The following GSR variants were observed in gnomAD, a reference collection of about 807,000 sequenced individuals.
GSR encodes the protein glutathione reductase, mitochondrial.
Under a neutral mutation model 56.5 loss-of-function variants are expected in GSR, and 48 were observed. The observed-to-expected ratio is 0.85, with a 90% CI of 0.67 to 1.08. GSR has a LOEUF of 1.08. Ranked by LOEUF, GSR falls within the 50% of genes least tolerant of loss-of-function variation. The pLI is 0.00. For synonymous variants in GSR, 264 were observed against 270.8 expected, an observed-to-expected ratio of 0.97 and a Z score of 0.25; for missense variants, 694 against 703.3, an observed-to-expected ratio of 0.99 and a Z score of 0.15.
At chr8:30,700,591 GCA>G in intron 5 of GSR, among the ~76,000 whole-genome samples, 2 of 151,814 alleles carry the variant, frequency 1.3e-5, no homozygotes, top group Admixed American at 6.6e-5. Flanking sequence ...GGGCATGGTG[GCA>G]CGCACCTATA....
intron 1 of GSR, among the ~76,000 whole-genome samples, chr8:30,720,244 TC>T (rs1043435745): frequency 2.0e-5 from 3 of 152,012 alleles, no homozygotes; most frequent in Non-Finnish European, 4.4e-5. Flanking sequence ...TTCCTCTGGT[TC>T]CCCACAACCT....
Position 30,686,841 on chromosome 8 carries a change from G to GT in GSR, c.1041+2319dup, listed in dbSNP as rs1210213575. 9.8e-3 allele frequency among the ~76,000 whole-genome samples: 1,415 copies of GT among 144,100 alleles called. 12 individuals are homozygous for GT. Among genetic ancestry groups the GT allele is most frequent in the African/African-American group, 0.026 (1,042 of 39,534 alleles). 94.5% of individuals were successfully genotyped at this position (144,100 alleles called of 152,430 possible). A position where few individuals can be genotyped will look rare whatever the true frequency, so the allele number is the denominator to read the frequency against. ...TGTTTTCTTTTGGTGTTTTTTTTTG[G>GT]TTTTTTTTTTTTGAGACGGAGTTTT... is the stretch of plus-strand genomic sequence containing the variant. On this transcript the variant is annotated intron_variant, in intron 9 of 12. Transcript: ENST00000221130.
At position 30,684,205 on chromosome 8, in the gene GSR, A is replaced by G. The variant is rs1231750991; in HGVS notation, c.1042-6T>C. On this transcript the variant is annotated splice_polypyrimidine_tract_variant and splice_region_variant and intron_variant, in intron 9 of 12. Transcript: ENST00000221130. The stretch of plus-strand genomic sequence containing the variant: ...TTGTCATCGGTTTGAATCCCCTAAA[A>G]TTACAAAGAGATATCATGTAACCAC... 1 of 1,521,804 alleles carries G rather than the reference A, an allele frequency of 6.6e-7. No homozygotes were observed. Among genetic ancestry groups the G allele is most frequent in the Admixed American group, 1.7e-5 (1 of 59,930 alleles). The allele number at this position is 1,521,804 out of a possible 1,614,324, so 94.3% of individuals were successfully genotyped here.
At chr8:30,718,285 A>T (rs1012223796) in intron 1 of GSR, among the ~76,000 whole-genome samples, 2 of 152,188 alleles carry the variant, frequency 1.3e-5, no homozygotes, top group African/African-American at 2.4e-5. Flanking sequence ...AGGTTGTTAG[A>T]GGGAGCACAG....
chr8:30,704,282 G>A (rs968405531), intron 4 of GSR, among the ~76,000 whole-genome samples: 13 of 151,808 alleles, frequency 8.6e-5, no homozygotes, highest in Non-Finnish European at 1.5e-4. Flanking sequence ...CCGAGATTAC[G>A]CCACTGCACT....
chr8:30,685,734 G>A (rs116190104), intron 9 of GSR, among the ~76,000 whole-genome samples: 1,595 of 152,068 alleles, frequency 0.01, 21 homozygotes, highest in African/African-American at 0.033. Context: ...CTAGCACTTC[G>A]GGAGGCCAAG....
Position 30,727,794 on chromosome 8 carries a change from C to T in GSR, c.42G>A (p.Pro14=). Residue 14 remains proline, a synonymous_variant, in exon 1 of 13, where the codon CCG becomes CCA. Transcript: ENST00000221130. The stretch of plus-strand genomic sequence containing the variant: ...AGGCGCGCGCCGCCCGCCGCCAGCT[C>T]GGTCCCGCGCCGGCGCTCAGGGCTC... The part of the protein sequence containing the change: ...LPRALSAGAG[P]SWRRAARAFR... 1.5e-6 allele frequency: 2 copies of T among 1,321,096 alleles called. No homozygotes were observed. The highest frequency in any genetic ancestry group is 2.0e-5 in the South Asian group (1 of 50,224). The allele number at this position is 1,321,096 out of a possible 1,614,324, so 81.8% of individuals were successfully genotyped here.
Position 30,678,069 on chromosome 8 carries a change from GAAGAA to G in GSR, c.*1446_*1450del, listed in dbSNP as rs1802804735. The G allele has an allele frequency of 2.0e-5, 3 of 151,858 alleles. No individual in the cohort carries two copies. Among genetic ancestry groups the G allele is most frequent in the Admixed American group, 6.6e-5 (1 of 15,248 alleles). 9.4% of individuals were successfully genotyped at this position (151,858 alleles called of 1,614,324 possible). ...AAGCTCACAGTAACAAATTTTATAAGAAGAAAAGGCTGTAATTTTATTTTCAAATT... is the reference window on the plus strand; with the variant it reads ...AAGCTCACAGTAACAAATTTTATAAGAAGGCTGTAATTTTATTTTCAAATT... On this transcript the variant is annotated 3_prime_UTR_variant, in exon 13 of 13. Coordinates refer to ENST00000221130, the MANE Select transcript of GSR (RefSeq NM_000637.5).
At chr8:30,710,221 CAGG>C (rs1358648543) in intron 2 of GSR, among the ~76,000 whole-genome samples, 22 of 151,832 alleles carry the variant, frequency 1.4e-4, no homozygotes. Flanking sequence ...GAAGCTGAGG[CAGG>C]AGAATTGCTT....
chr8:30,727,754 G>A lies in GSR; in HGVS notation c.82C>T (p.Leu28=), dbSNP rs773435468. ...AGGGCCGCGGGCTCGGGCAGAAGCAGCAGGAAGCCTCGGAAGGCGCGCGCC... is the reference window on the plus strand; with the variant it reads ...AGGGCCGCGGGCTCGGGCAGAAGCAACAGGAAGCCTCGGAAGGCGCGCGCC... ...RAARAFRGFL[L]LLPEPAALTR... The change falls in exon 1 of 13, where the codon CTG becomes TTG. Residue 28 remains leucine (L), a synonymous_variant. Transcript: ENST00000221130. 141 of 1,390,224 alleles carry A rather than the reference G, an allele frequency of 1.0e-4. No individual in the cohort carries two copies. Among genetic ancestry groups the A allele is most frequent in the Non-Finnish European group, 1.2e-4 (131 of 1,073,028 alleles). The allele number at this position is 1,390,224 out of a possible 1,614,324, so 86.1% of individuals were successfully genotyped here.
chr8:30,680,750 A>G (rs563462069), intron 12 of GSR, among the ~76,000 whole-genome samples, 154 bp downstream of exon 12: 1 of 152,214 alleles, frequency 6.6e-6, no homozygotes, highest in Admixed American at 6.6e-5. Flanking sequence ...TATTATGAAG[A>G]ACCCCAAAAT....
At chr8:30,705,463 C>A (rs1029640200) in intron 4 of GSR, among the ~76,000 whole-genome samples, 1 of 152,120 alleles carries the variant, frequency 6.6e-6, no homozygotes, top group Non-Finnish European at 1.5e-5. Context: ...GGGGTTTCAC[C>A]GTGTTAGCCA....
intron 1 of GSR, among the ~76,000 whole-genome samples, chr8:30,715,858 G>T (rs372472980): frequency 1.3e-5 from 2 of 152,022 alleles, no homozygotes; most frequent in African/African-American, 4.8e-5. Flanking sequence ...GTTATTTAAG[G>T]CTTCTTTTTC....
At chr8:30,705,679 C>T (rs1301129292) in intron 4 of GSR, among the ~76,000 whole-genome samples, 1 of 152,096 alleles carries the variant, frequency 6.6e-6, no homozygotes. Flanking sequence ...CTGCAGTGAG[C>T]TGTGATCACG....
At chr8:30,704,890 G>A (rs925411436) in intron 4 of GSR, 3 of 152,132 alleles carry the variant, frequency 2.0e-5, no homozygotes, top group Non-Finnish European at 4.4e-5. Flanking sequence ...TATGGCTCGC[G>A]TGGCGATAGG....
chr8:30,712,736 A>C (rs1804199574), intron 1 of GSR, among the ~76,000 whole-genome samples: 1 of 152,228 alleles, frequency 6.6e-6, no homozygotes, highest in African/African-American at 2.4e-5. Flanking sequence ...GTGAATACTC[A>C]CCAAAAGCAC....
intron 1 of GSR, among the ~76,000 whole-genome samples, chr8:30,714,799 C>T (rs1264802222): frequency 3.3e-5 from 5 of 152,160 alleles, no homozygotes; most frequent in Non-Finnish European, 7.3e-5. Flanking sequence ...TCCCAAAGTG[C>T]TGAGATTATA....
intron 8 of GSR, among the ~76,000 whole-genome samples, chr8:30,691,643 T>C (rs1273341179): frequency 6.6e-6 from 1 of 150,706 alleles, no homozygotes; most frequent in East Asian, 1.9e-4. Flanking sequence ...ATGGCACCAC[T>C]GCACTCCAGC....
At chr8:30,695,502 G>A (rs970392247) in intron 7 of GSR, among the ~76,000 whole-genome samples, 3 of 152,056 alleles carry the variant, frequency 2.0e-5, no homozygotes, top group Non-Finnish European at 4.4e-5. Context: ...CCAAAGTGCT[G>A]GGAATTAGAG....
Sources: gnomAD v4.1 joint callset for allele counts (sites outside exome capture counted in the v4.1 genomes callset) on GRCh38, gnomAD v4.1.1 for gene constraint, MANE v1.5 for transcripts, NCBI Gene and HGNC (gene_info 2026-07-23, HGNC 2026-07-21) for gene names.